The following PPFIA2 variants were observed in gnomAD, a reference collection of about 807,000 sequenced individuals.
PPFIA2 encodes the protein PPFI scaffold protein A2, also known as liprin-alpha-2.
In PPFIA2, 46 loss-of-function variants were observed where a neutral mutation model predicts 175.5. That is an observed-to-expected ratio of 0.26 (90% CI 0.21 to 0.34). PPFIA2 has a LOEUF of 0.34. Among genes scored for constraint, PPFIA2 ranks in the 10% least tolerant of loss-of-function variants. The pLI, the probability that PPFIA2 is intolerant of heterozygous loss-of-function variation, is 1.00. For missense variants in PPFIA2, 1,179 were observed against 1,506.1 expected, an observed-to-expected ratio of 0.78 and a Z score of 3.60; for synonymous variants, 568 against 511.4, an observed-to-expected ratio of 1.11 and a Z score of -1.49.
chr12:81,720,225 G>A (rs968742576), intron 3 of PPFIA2, among the ~76,000 whole-genome samples: 5 of 151,324 alleles, frequency 3.3e-5, no homozygotes, highest in Admixed American at 1.3e-4. Context: ...AGAAACACTT[G>A]CTCTCAACAG....
chr12:81,535,152 A>G (rs1446796882), intron 4 of PPFIA2, among the ~76,000 whole-genome samples: 1 of 151,746 alleles, frequency 6.6e-6, no homozygotes, highest in East Asian at 1.9e-4. Context: ...TATTGGGTGA[A>G]ATGTTGCCTA....
chr12:81,705,645 T>G (rs547330380), intron 3 of PPFIA2, among the ~76,000 whole-genome samples: 18 of 152,226 alleles, frequency 1.2e-4, no homozygotes, highest in Admixed American at 7.2e-4. Flanking sequence ...AATAGATTCT[T>G]GGGGAGTAAA....
chr12:81,589,050 T>C (rs1011368617), intron 4 of PPFIA2, among the ~76,000 whole-genome samples: 1 of 152,106 alleles, frequency 6.6e-6, no homozygotes, highest in Admixed American at 6.6e-5. Flanking sequence ...ATACCAGCAA[T>C]GACTATATGA....
chr12:81,348,236 G>T (rs2059402919), intron 17 of PPFIA2, among the ~76,000 whole-genome samples: 1 of 152,080 alleles, frequency 6.6e-6, no homozygotes, highest in Non-Finnish European at 1.5e-5. Flanking sequence ...CAAAGTCATT[G>T]AATCTTACCT....
chr12:81,470,978 C>A (rs1224701484), intron 4 of PPFIA2, among the ~76,000 whole-genome samples: 1 of 152,102 alleles, frequency 6.6e-6, no homozygotes, highest in Non-Finnish European at 1.5e-5. Flanking sequence ...ATTTTAGATG[C>A]CACATATGTG....
intron 3 of PPFIA2, among the ~76,000 whole-genome samples, chr12:81,727,414 A>T (rs1009556776): frequency 6.6e-6 from 1 of 151,418 alleles, no homozygotes; most frequent in Non-Finnish European, 1.5e-5. Flanking sequence ...AAGAAAACTT[A>T]GAATGATAGA....
chr12:81,476,280 G>A (rs762795200), intron 4 of PPFIA2, among the ~76,000 whole-genome samples: 3 of 152,134 alleles, frequency 2.0e-5, no homozygotes, highest in Admixed American at 2.0e-4. Context: ...GTTGCATTTA[G>A]TCTAGGTTTT....
At chr12:81,512,454 C>G (rs1190720439) in intron 4 of PPFIA2, 1 of 726,566 alleles carries the variant, frequency 1.4e-6, no homozygotes, top group Non-Finnish European at 1.9e-6. Flanking sequence ...TTCTAATCTT[C>G]CTTTAAAGTT....
At chr12:81,275,850 T>C (rs1402291529) in intron 28 of PPFIA2, among the ~76,000 whole-genome samples, 1 of 151,214 alleles carries the variant, frequency 6.6e-6, no homozygotes, top group Non-Finnish European at 1.5e-5. Flanking sequence ...AGTGGGGCAA[T>C]CTCGGCTCAC....
rs192240666 is a variant in PPFIA2 at position 81,339,377 on chromosome 12, G to C, written c.2394-43C>G. 1.2e-4 allele frequency: 167 copies of C among 1,418,104 alleles called. 1 individual carries two copies. The African/African-American group carries it at 2.2e-3, about 19-fold the overall frequency. The allele number at this position is 1,418,104 out of a possible 1,614,324, so 87.8% of individuals were successfully genotyped here. On this transcript the variant is annotated intron_variant, in intron 20 of 32. Coordinates refer to ENST00000549396, the MANE Select transcript of PPFIA2 (RefSeq NM_003625.5). ...GGAAAATACATGCAACATCCACAAG[G>C]TACACAAAAGTCATTTCCTTTATAA... is the stretch of plus-strand genomic sequence containing the variant.
At chr12:81,326,948 A>G (rs764548858) in intron 21 of PPFIA2, among the ~76,000 whole-genome samples, 2 of 152,078 alleles carry the variant, frequency 1.3e-5, no homozygotes, top group African/African-American at 4.8e-5. Context: ...CTCTTCTCTC[A>G]TTGTAGTGGA....
intron 4 of PPFIA2, among the ~76,000 whole-genome samples, chr12:81,644,028 A>T (rs918696331): frequency 6.6e-6 from 1 of 152,016 alleles, no homozygotes; most frequent in African/African-American, 2.4e-5. Context: ...GACCAACAAA[A>T]ATGTCAAGTT....
At chr12:81,535,455 A>G (rs367552186) in intron 4 of PPFIA2, 4 of 455,448 alleles carry the variant, frequency 8.8e-6, no homozygotes, top group East Asian at 1.4e-4. Flanking sequence ...ATGATGCTCA[A>G]TATCCTGAAA....
At chr12:81,562,044 A>T (rs1368401639) in intron 4 of PPFIA2, among the ~76,000 whole-genome samples, 1 of 152,208 alleles carries the variant, frequency 6.6e-6, no homozygotes, top group Non-Finnish European at 1.5e-5. Context: ...ATCATTTAAT[A>T]AGTTAATATT....
intron 4 of PPFIA2, among the ~76,000 whole-genome samples, chr12:81,599,548 C>G (rs1329218396): frequency 6.6e-6 from 1 of 151,948 alleles, no homozygotes; most frequent in Non-Finnish European, 1.5e-5. Context: ...AAAGAAAGTA[C>G]AGAGAATTCC....
chr12:81,344,752 G>T, intron 18 of PPFIA2, 59 bp from the exon 19 acceptor site: 4 of 1,302,272 alleles, frequency 3.1e-6, no homozygotes, highest in South Asian at 2.8e-5. Flanking sequence ...ACAATCATTT[G>T]ACCAAGTTAC....
At chr12:81,265,291 CAAA>C (rs571821814) in intron 30 of PPFIA2, among the ~76,000 whole-genome samples, 1 of 69,998 alleles carries the variant, frequency 1.4e-5, no homozygotes, top group Non-Finnish European at 2.5e-5. Context: ...GAAACTCTGT[CAAA>C]AAAAAAAAAA....
At chr12:81,637,434 C>T (rs1303842383) in intron 4 of PPFIA2, among the ~76,000 whole-genome samples, 1 of 151,576 alleles carries the variant, frequency 6.6e-6, no homozygotes, top group Admixed American at 6.6e-5. Flanking sequence ...ATTGGTCTTC[C>T]TTTTCCTAAA....
chr12:81,262,008 A>G lies in PPFIA2; in HGVS notation c.3748T>C (p.Ser1250Pro). The change falls in exon 32 of 33, where the codon TCC becomes CCC. Residue 1250 changes from serine (S) to proline (P), a missense_variant. Ser to Pro is a moderately conservative substitution (Grantham distance 74). Transcript: ENST00000549396. The stretch of plus-strand genomic sequence containing the variant: ...CAACATGAGTATGTGCGAACAGTGG[A>G]GTTGTCTAACCTCTGCAGTCTTGAT... ...ASSRLQRLDN[S>P]TVRTYSC The G allele has an allele frequency of 6.2e-7, 1 of 1,605,818 alleles. No homozygotes were observed. The highest frequency in any genetic ancestry group is 2.2e-5 in the East Asian group (1 of 44,702).
Sources: allele counts gnomAD v4.1 joint callset (sites outside exome capture counted in the v4.1 genomes callset), GRCh38; gene constraint gnomAD v4.1.1; transcripts MANE v1.5; gene names NCBI Gene and HGNC (gene_info 2026-07-23, HGNC 2026-07-21).